The following CUL3 variants were observed in gnomAD, a reference collection of about 807,000 sequenced individuals.
CUL3 encodes the protein cullin-3.
Under a neutral mutation model 89.1 loss-of-function variants are expected in CUL3, and 19 were observed. The observed-to-expected ratio is 0.21, with a 90% CI of 0.15 to 0.31. CUL3 has a LOEUF of 0.31. Among genes scored for constraint, CUL3 ranks in the 10% least tolerant of loss-of-function variants. CUL3 has a pLI of 1.00. For missense variants in CUL3, 469 were observed against 942.3 expected, an observed-to-expected ratio of 0.50 and a Z score of 6.58; for synonymous variants, 351 against 308.4, an observed-to-expected ratio of 1.14 and a Z score of -1.45.
intron 3 of CUL3, among the ~76,000 whole-genome samples, chr2:224,529,226 C>CA (rs1261955112): frequency 2.6e-5 from 4 of 151,980 alleles, no homozygotes; most frequent in Admixed American, 2.6e-4. Context: ...AATCTTTTCC[C>CA]AATCATTAAT....
intron 15 of CUL3, among the ~76,000 whole-genome samples, chr2:224,475,307 G>A (rs761503025): frequency 3.9e-5 from 6 of 152,308 alleles, no homozygotes; most frequent in African/African-American, 7.2e-5. Context: ...GTGAGCCACC[G>A]TGCCCGGCCT....
At position 224,474,356 on chromosome 2, in the gene CUL3, C is replaced by G. The variant is rs551278501; in HGVS notation, c.2196G>C (p.Ala732=). 101 of 1,612,654 alleles carry G rather than the reference C, an allele frequency of 6.3e-5. No homozygotes were observed. In the East Asian group the frequency reaches 2.0e-3, roughly 32 times the overall value. The change falls in exon 16 of 16, where the codon GCG becomes GCC. Residue 732 remains alanine, a synonymous_variant. Transcript: ENST00000264414. ...LVAEVTQQLK[A]RFLPSPVVIK... ...TAACAACTGGACTTGGTAAGAATCGCGCCTTCAACTGCTGAGTTACCTAAA... is the reference window on the plus strand; with the variant it reads ...TAACAACTGGACTTGGTAAGAATCGGGCCTTCAACTGCTGAGTTACCTAAA...
intron 14 of CUL3, chr2:224,479,568 AAT>A (rs1215386969): frequency 6.6e-6 from 1 of 152,234 alleles, no homozygotes; most frequent in African/African-American, 2.4e-5. Context: ...CAACTGAGGC[AAT>A]ATGGGTGGTA....
chr2:224,507,271 GAA>G (rs1692638110), intron 6 of CUL3, among the ~76,000 whole-genome samples: 1 of 152,060 alleles, frequency 6.6e-6, no homozygotes, highest in African/African-American at 2.4e-5. Flanking sequence ...AATTTACATG[GAA>G]GAGATGTCAA....
At chr2:224,545,549 A>C (rs1378632027) in intron 2 of CUL3, among the ~76,000 whole-genome samples, 3 of 152,236 alleles carry the variant, frequency 2.0e-5, no homozygotes, top group African/African-American at 4.8e-5. Context: ...GAAGCTCTTA[A>C]AGAAATCAGG....
In CUL3 at chr2:224,500,431, G is replaced by A. The variant is rs1692336155; in HGVS notation, c.1542C>T (p.Pro514=). ...TGCACTTTGGTGTGGCTGACTGAGT[G>A]GGCCAATATCCTGTCGTGAGCACCC... is the stretch of plus-strand genomic sequence containing the variant. ...TVRVLTTGYW[P]TQSATPKCNI... is the part of the protein sequence containing the mutation. Residue 514 remains proline, a synonymous_variant, in exon 11 of 16, where the codon CCC becomes CCT. Coordinates refer to ENST00000264414, the MANE Select transcript of CUL3 (RefSeq NM_003590.5). 3 of 1,613,654 alleles carry A rather than the reference G, an allele frequency of 1.9e-6. No individual in the cohort carries two copies. Among genetic ancestry groups the A allele is most frequent in the African/African-American group, 1.3e-5 (1 of 74,852 alleles).
chr2:224,538,114 C>T (rs1299912615), intron 2 of CUL3, among the ~76,000 whole-genome samples: 2 of 152,124 alleles, frequency 1.3e-5, no homozygotes, highest in East Asian at 1.9e-4. Context: ...AAAATAGCTA[C>T]AATTAAGAGC....
chr2:224,556,010 C>T (rs2106301239), intron 2 of CUL3, among the ~76,000 whole-genome samples: 1 of 152,198 alleles, frequency 6.6e-6, no homozygotes, highest in East Asian at 1.9e-4. Flanking sequence ...GCATAATAGG[C>T]ACTTAATAAA....
chr2:224,502,836 A>G (rs1250897075), intron 10 of CUL3, 129 bp downstream of exon 10: 1 of 654,424 alleles, frequency 1.5e-6, no homozygotes, highest in East Asian at 2.6e-5. Context: ...TTAAGTACTC[A>G]CAGATAAAAC....
At chr2:224,552,175 A>G (rs150669038) in intron 2 of CUL3, among the ~76,000 whole-genome samples, 209 of 152,328 alleles carry the variant, frequency 1.4e-3, no homozygotes, top group African/African-American at 4.9e-3. Context: ...TATATATTCT[A>G]AACGTCTTTA....
At chr2:224,569,272 T>C (rs2106319372) in intron 1 of CUL3, among the ~76,000 whole-genome samples, 1 of 152,324 alleles carries the variant, frequency 6.6e-6, no homozygotes, top group East Asian at 1.9e-4. Flanking sequence ...ATCATCTATA[T>C]ACACAAACAT....
chr2:224,513,759 T>TTGGAGATTGGTCA, intron 4 of CUL3, 121 bp from the exon 5 acceptor site: 1 of 650,914 alleles, frequency 1.5e-6, no homozygotes, highest in Non-Finnish European at 2.6e-6. Flanking sequence ...AAGTGACCAA[T>TTGGAGATTGGTCA]CTCCAATAGG....
chr2:224,527,342 T>C lies in CUL3; in HGVS notation c.378+8186A>G, dbSNP rs144050744. Among the ~76,000 whole-genome samples, 302 of 152,340 alleles carry C rather than the reference T, an allele frequency of 2.0e-3. 1 individual carries two copies. Among genetic ancestry groups the C allele is most frequent in the South Asian group, 3.9e-3 (19 of 4,832 alleles). Reference sequence around the variant, plus strand: ...TTTTAAAGAGCTAAAATCATCAAAATGTACATGAGAAAACACAGACCCACA... The same window carrying C: ...TTTTAAAGAGCTAAAATCATCAAAACGTACATGAGAAAACACAGACCCACA... On this transcript the variant is annotated intron_variant, in intron 3 of 15. Transcript: ENST00000264414.
At chr2:224,519,790 A>G (rs898046550) in intron 3 of CUL3, among the ~76,000 whole-genome samples, 6 of 152,184 alleles carry the variant, frequency 3.9e-5, no homozygotes, top group Admixed American at 2.6e-4. Context: ...TATGCACATG[A>G]TATGATTCTA....
chr2:224,484,851 G>A (rs1194147773), intron 13 of CUL3, among the ~76,000 whole-genome samples: 1 of 152,174 alleles, frequency 6.6e-6, no homozygotes, highest in Non-Finnish European at 1.5e-5. Flanking sequence ...CAAGATGGCC[G>A]AATAGGAACA....
At chr2:224,482,211 CTT>C (rs756415710) in intron 13 of CUL3, 133 bp from the exon 14 acceptor site, 10 of 610,092 alleles carry the variant, frequency 1.6e-5, no homozygotes, top group East Asian at 1.5e-4. Flanking sequence ...AAAGAATTCT[CTT>C]GAGTACTATG....
At chr2:224,492,376 T>C (rs1440653522) in intron 13 of CUL3, among the ~76,000 whole-genome samples, 1 of 152,224 alleles carries the variant, frequency 6.6e-6, no homozygotes, top group African/African-American at 2.4e-5. Context: ...AAATTATTGA[T>C]GAATATCAAA....
At chr2:224,549,117 A>G (rs1694411244) in intron 2 of CUL3, among the ~76,000 whole-genome samples, 1 of 152,080 alleles carries the variant, frequency 6.6e-6, no homozygotes, top group African/African-American at 2.4e-5. Context: ...AGGAGTTCAA[A>G]ACCAGCATGG....
chr2:224,555,490 T>C (rs1168229062), intron 2 of CUL3, among the ~76,000 whole-genome samples: 2 of 152,156 alleles, frequency 1.3e-5, no homozygotes, highest in East Asian at 3.8e-4. Flanking sequence ...TCTTCAAATA[T>C]TCTGTCACAT....
Sources: gnomAD v4.1 joint callset for allele counts (sites outside exome capture counted in the v4.1 genomes callset) on GRCh38, gnomAD v4.1.1 for gene constraint, MANE v1.5 for transcripts, NCBI Gene and HGNC (gene_info 2026-07-23, HGNC 2026-07-21) for gene names.